The following LDLRAD4 variants were observed in gnomAD, a reference collection of about 807,000 sequenced individuals.
The protein encoded by LDLRAD4 is low-density lipoprotein receptor class A domain-containing protein 4.
A neutral mutation model predicts 17.0 loss-of-function variants in LDLRAD4; 5 were observed. That is an observed-to-expected ratio of 0.29 (90% CI 0.15 to 0.62). LDLRAD4 has a LOEUF of 0.62. Ranked by LOEUF, LDLRAD4 falls within the 20% of genes least tolerant of loss-of-function variation. LDLRAD4 has a pLI of 0.84. For synonymous variants in LDLRAD4, 168 were observed against 171.8 expected, an observed-to-expected ratio of 0.98 and a Z score of 0.17; for missense variants, 340 against 424.7, an observed-to-expected ratio of 0.80 and a Z score of 1.75.
At chr18:13,356,453 G>C (rs1434371670) in intron 1 of LDLRAD4, among the ~76,000 whole-genome samples, 1 of 152,242 alleles carries the variant, frequency 6.6e-6, no homozygotes, top group Non-Finnish European at 1.5e-5. Context: ...TGCATCATAA[G>C]TCAGATTTAG....
At chr18:13,240,055 A>G (rs1402649117) in intron 1 of LDLRAD4, 2 of 152,170 alleles carry the variant, frequency 1.3e-5, no homozygotes, top group Non-Finnish European at 2.9e-5. Context: ...ATACATATTT[A>G]TTTAGCTTTG....
rs144151063 is a variant in LDLRAD4, at chr18:13,417,454, A to T, written c.41-20790A>T. Among the ~76,000 whole-genome samples, 1,399 of 145,098 alleles carry T rather than the reference A, an allele frequency of 9.6e-3. 17 individuals carry two copies. Among genetic ancestry groups the T allele is most frequent in the African/African-American group, 0.034 (1,298 of 38,620 alleles). On this transcript the variant is annotated intron_variant, in intron 2 of 5. Transcript: ENST00000359446. The stretch of plus-strand genomic sequence containing the variant: ...GTTTTTCTTTTTTTTTTTTTTTGAG[A>T]CAGAGTCTCACTCTGTCACCCAGGC...
At chr18:13,446,460 A>G (rs2146298714) in intron 3 of LDLRAD4, among the ~76,000 whole-genome samples, 1 of 152,294 alleles carries the variant, frequency 6.6e-6, no homozygotes, top group Admixed American at 6.5e-5. Context: ...ATAGTTGACG[A>G]TTTTTGGTTT....
chr18:13,470,450 C>T (rs1285507203), intron 3 of LDLRAD4, among the ~76,000 whole-genome samples: 1 of 151,298 alleles, frequency 6.6e-6, no homozygotes, highest in Admixed American at 6.6e-5. Context: ...CAACCCAGCA[C>T]TTGGCCACCA....
At chr18:13,489,157 C>CTTTTTTTTTTTTT (rs143795732) in intron 3 of LDLRAD4, 4 of 136,974 alleles carry the variant, frequency 2.9e-5, no homozygotes, top group Non-Finnish European at 4.7e-5. Flanking sequence ...TTCTTTCTTT[C>CTTTTTTTTTTTTT]TTTTTTTTTT....
intron 3 of LDLRAD4, among the ~76,000 whole-genome samples, chr18:13,549,294 A>T (rs1291038126): frequency 6.6e-6 from 1 of 152,182 alleles, no homozygotes; most frequent in African/African-American, 2.4e-5. Context: ...AAGAAGTTGG[A>T]GTTTTGTTTA....
At chr18:13,416,510 G>A (rs897444617) in intron 2 of LDLRAD4, among the ~76,000 whole-genome samples, 1 of 152,174 alleles carries the variant, frequency 6.6e-6, no homozygotes, top group African/African-American at 2.4e-5. Context: ...AGAGACACAC[G>A]GTGAAAACAG....
chr18:13,550,525 A>G (rs544087326), intron 3 of LDLRAD4, among the ~76,000 whole-genome samples: 117 of 152,346 alleles, frequency 7.7e-4, no homozygotes, highest in African/African-American at 2.7e-3. Flanking sequence ...CATCATAAAC[A>G]CATGCTGTGA....
intron 1 of LDLRAD4, among the ~76,000 whole-genome samples, chr18:13,222,018 A>G (rs912093014): frequency 1.3e-5 from 2 of 152,238 alleles, no homozygotes; most frequent in Admixed American, 6.5e-5. Context: ...ACACTCCGGC[A>G]GCCTGCCAGA....
intron 1 of LDLRAD4, among the ~76,000 whole-genome samples, chr18:13,261,203 G>A (rs890846631): frequency 3.3e-5 from 5 of 152,214 alleles, no homozygotes; most frequent in Admixed American, 1.3e-4. Context: ...CTGGCTCCAG[G>A]GAATAGCAGA....
intron 2 of LDLRAD4, chr18:13,420,469 G>A (rs1305414286): frequency 6.6e-6 from 1 of 152,250 alleles, no homozygotes; most frequent in Admixed American, 6.5e-5. Context: ...GTCTAGCCCT[G>A]TCTCTGCCAA....
At chr18:13,519,134 C>CT (rs1255407668) in intron 3 of LDLRAD4, among the ~76,000 whole-genome samples, 7 of 152,212 alleles carry the variant, frequency 4.6e-5, no homozygotes, top group Non-Finnish European at 1.0e-4. Flanking sequence ...AATGAACTCT[C>CT]TAAGTTCCTG....
chr18:13,464,765 C>T (rs1214625153), intron 3 of LDLRAD4, among the ~76,000 whole-genome samples: 1 of 149,498 alleles, frequency 6.7e-6, no homozygotes, highest in Non-Finnish European at 1.5e-5. Flanking sequence ...CTTTTGAAAC[C>T]CTCCTTCCCT....
At chr18:13,376,268 TAA>T (rs1381801502) in intron 1 of LDLRAD4, among the ~76,000 whole-genome samples, 5 of 152,240 alleles carry the variant, frequency 3.3e-5, no homozygotes, top group African/African-American at 1.2e-4. Context: ...AGGGAATAAA[TAA>T]GGGCCAGATT....
intron 3 of LDLRAD4, among the ~76,000 whole-genome samples, chr18:13,549,727 A>C (rs2094410930): frequency 6.6e-6 from 1 of 151,970 alleles, no homozygotes; most frequent in African/African-American, 2.4e-5. Context: ...GTAGACCAGC[A>C]GCACCCTATG....
intron 1 of LDLRAD4, among the ~76,000 whole-genome samples, chr18:13,305,602 G>A (rs2146642296): frequency 6.6e-6 from 1 of 152,296 alleles, no homozygotes; most frequent in East Asian, 1.9e-4. Context: ...GATGCTGGAA[G>A]TGCTCCCAAG....
chr18:13,263,351 G>A (rs957769581), intron 1 of LDLRAD4, among the ~76,000 whole-genome samples: 4 of 152,116 alleles, frequency 2.6e-5, no homozygotes, highest in African/African-American at 9.7e-5. Flanking sequence ...TCTGTGTGTG[G>A]AGACTGCATC....
intron 1 of LDLRAD4, among the ~76,000 whole-genome samples, chr18:13,284,930 G>A (rs983290473): frequency 6.6e-6 from 1 of 152,178 alleles, no homozygotes; most frequent in Non-Finnish European, 1.5e-5. Flanking sequence ...GAGGGCAGTC[G>A]CAGGGAGGGG....
In LDLRAD4 at chr18:13,610,304, T is replaced by C. The variant is rs1479908045; in HGVS notation, c.182-10813T>C. Among the ~76,000 whole-genome samples the C allele has an allele frequency of 7.5e-3, 447 of 59,264 alleles. 90 individuals carry two copies. Among genetic ancestry groups the C allele is most frequent in the Non-Finnish European group, 0.012 (330 of 27,738 alleles). 38.9% of individuals were successfully genotyped at this position (59,264 alleles called of 152,430 possible). A position where few individuals can be genotyped will look rare whatever the true frequency, so the allele number is the denominator to read the frequency against. ...TTTTTTTTTTTTTTTTTTTTTTTTT[T>C]TGAGACGGAGTCTCACTCTGTCGCC... On this transcript the variant is annotated intron_variant, in intron 3 of 5. Transcript: ENST00000359446.
Sources: allele counts gnomAD v4.1 joint callset (sites outside exome capture counted in the v4.1 genomes callset), GRCh38; gene constraint gnomAD v4.1.1; transcripts MANE v1.5; gene names NCBI Gene and HGNC (gene_info 2026-07-23, HGNC 2026-07-21).